The following PHLPP1 variants were observed in gnomAD, a reference collection of about 807,000 sequenced individuals.
The protein encoded by PHLPP1 is PH domain leucine-rich repeat-containing protein phosphatase 1.
PHLPP1 carries 42 observed loss-of-function variants against 117.2 expected under a neutral mutation model. The ratio of observed to expected loss-of-function variants is 0.36; its 90% CI spans 0.28 to 0.46. PHLPP1 has a LOEUF of 0.46. Ranked by LOEUF, PHLPP1 falls within the 20% of genes least tolerant of loss-of-function variation. The pLI, the probability that PHLPP1 is intolerant of heterozygous loss-of-function variation, is 1.00. For missense variants in PHLPP1, 2,084 were observed against 2,241.9 expected (o/e 0.93, Z 1.42); for synonymous variants, 1,042 against 970.7 (o/e 1.07, Z -1.37).
At chr18:62,782,135 A>G (rs947289116) in intron 1 of PHLPP1, among the ~76,000 whole-genome samples, 3 of 152,232 alleles carry the variant, frequency 2.0e-5, no homozygotes, top group Non-Finnish European at 4.4e-5. Flanking sequence ...TCTTTGTTAC[A>G]TATTTACGCA....
At chr18:62,931,878 GAAAAAAAAAAA>G (rs61550621) in intron 10 of PHLPP1, among the ~76,000 whole-genome samples, 1 of 76,472 alleles carries the variant, frequency 1.3e-5, no homozygotes, top group Non-Finnish European at 2.3e-5. Flanking sequence ...CTGGGCGACA[GAAAAAAAAAAA>G]AAAAAAAAAA....
chr18:62,940,345 C>CTT (rs1568168234), intron 10 of PHLPP1, among the ~76,000 whole-genome samples: 1 of 79,106 alleles, frequency 1.3e-5, no homozygotes, highest in African/African-American at 4.8e-5. Context: ...GTTTCTTTTT[C>CTT]TTTCTTTTCT....
At chr18:62,811,285 C>T (rs556926962) in intron 1 of PHLPP1, among the ~76,000 whole-genome samples, 3 of 152,158 alleles carry the variant, frequency 2.0e-5, no homozygotes, top group African/African-American at 7.2e-5. Flanking sequence ...AATAAAAGAT[C>T]AGAAACAATC....
intron 16 of PHLPP1, among the ~76,000 whole-genome samples, chr18:62,976,531 A>G (rs892781227): frequency 1.3e-5 from 2 of 152,186 alleles, no homozygotes; most frequent in South Asian, 2.1e-4. Flanking sequence ...GTTTGGCATA[A>G]TGTTGAACTA....
At position 62,819,170 on chromosome 18, in the gene PHLPP1, A is replaced by G. The variant is rs182814453; in HGVS notation, c.1577-10865A>G. On this transcript the variant is annotated intron_variant, in intron 1 of 16. Transcript: ENST00000262719. ...ACAAACAAATGGCAACAGTAGCACA[A>G]AGACTGGGAGAAGGGAAATGGCAGT... 2.6e-5 allele frequency among the ~76,000 whole-genome samples: 4 copies of G among 152,342 alleles called. No homozygotes were observed. In the East Asian group the frequency reaches 7.7e-4, roughly 29 times the overall value.
At chr18:62,772,564 T>C (rs1199930759) in intron 1 of PHLPP1, among the ~76,000 whole-genome samples, 1 of 152,144 alleles carries the variant, frequency 6.6e-6, no homozygotes, top group Non-Finnish European at 1.5e-5. Flanking sequence ...GCATGCTGGC[T>C]CATGCCTGTA....
At chr18:62,914,689 G>A (rs539428782) in intron 8 of PHLPP1, among the ~76,000 whole-genome samples, 7 of 152,320 alleles carry the variant, frequency 4.6e-5, no homozygotes, top group South Asian at 4.1e-4. Flanking sequence ...TCCCATAGGC[G>A]TGAGCCACTG....
intron 12 of PHLPP1, among the ~76,000 whole-genome samples, chr18:62,949,116 G>A (rs1291209500): frequency 6.6e-6 from 1 of 152,152 alleles, no homozygotes; most frequent in Non-Finnish European, 1.5e-5. Flanking sequence ...ATAAAGTGCA[G>A]TAGGTGTTAC....
At position 62,979,421 on chromosome 18, in the gene PHLPP1, C is replaced by G. The variant is rs750088360; in HGVS notation, c.5144C>G (p.Thr1715Arg). Residue 1715 changes from threonine (T) to arginine (R), a missense_variant, in exon 17 of 17, where the codon ACG becomes AGG. By Grantham distance (71) the Thr-to-Arg change is moderately conservative. Transcript: ENST00000262719. ...QLDQLPDYYD[T>R]PL ...GACCAGCTGCCAGATTATTACGACA[C>G]GCCACTATGACCCAGCCGAGCTGTT... 1 of 1,551,266 alleles carries G rather than the reference C, an allele frequency of 6.4e-7. No homozygotes were observed. The highest frequency in any genetic ancestry group is 8.7e-7 in the Non-Finnish European group (1 of 1,146,782).
chr18:62,882,318 G>A (rs1001543167), intron 4 of PHLPP1, among the ~76,000 whole-genome samples: 1 of 151,600 alleles, frequency 6.6e-6, no homozygotes, highest in Non-Finnish European at 1.5e-5. Context: ...ACCCAGGCTG[G>A]AGTGCAGTGG....
At chr18:62,780,049 G>A (rs1255392511) in intron 1 of PHLPP1, among the ~76,000 whole-genome samples, 2 of 152,110 alleles carry the variant, frequency 1.3e-5, no homozygotes, top group Non-Finnish European at 2.9e-5. Flanking sequence ...TTTTAACAGT[G>A]TATAATTATG....
chr18:62,799,604 G>C (rs564384990), intron 1 of PHLPP1, among the ~76,000 whole-genome samples: 1 of 152,296 alleles, frequency 6.6e-6, no homozygotes, highest in East Asian at 1.9e-4. Flanking sequence ...CAGTGTGCAG[G>C]TTCCCCGGAT....
chr18:62,967,615 G>T (rs1306668392), intron 14 of PHLPP1, among the ~76,000 whole-genome samples: 2 of 151,196 alleles, frequency 1.3e-5, no homozygotes, highest in South Asian at 2.1e-4. Context: ...TCTATATCTA[G>T]TTTGCTAAGA....
chr18:62,759,309 GC>G (rs1031974568), intron 1 of PHLPP1, among the ~76,000 whole-genome samples: 1 of 152,090 alleles, frequency 6.6e-6, no homozygotes, highest in African/African-American at 2.4e-5. Flanking sequence ...CATTTCCATA[GC>G]TTAAAAAAAT....
chr18:62,760,964 A>T (rs556494200), intron 1 of PHLPP1, among the ~76,000 whole-genome samples: 1 of 152,184 alleles, frequency 6.6e-6, no homozygotes, highest in Admixed American at 6.5e-5. Flanking sequence ...AGCTCAGGTG[A>T]TCCTCCTGCC....
At chr18:62,943,165 C>A (rs1464303532) in intron 11 of PHLPP1, among the ~76,000 whole-genome samples, 1 of 152,144 alleles carries the variant, frequency 6.6e-6, no homozygotes, top group Non-Finnish European at 1.5e-5. Context: ...TAATCACCCA[C>A]CCTAAGTGCA....
At chr18:62,895,517 TCA>T (rs1916536267) in intron 5 of PHLPP1, among the ~76,000 whole-genome samples, 1 of 152,232 alleles carries the variant, frequency 6.6e-6, no homozygotes, top group South Asian at 2.1e-4. Context: ...TCAATTCATA[TCA>T]CAGTTAGCTC....
intron 1 of PHLPP1, among the ~76,000 whole-genome samples, chr18:62,742,224 G>C (rs1210125710): frequency 6.6e-6 from 1 of 152,150 alleles, no homozygotes; most frequent in African/African-American, 2.4e-5. Context: ...AAGTAACGCG[G>C]TCTTTTCTAT....
intron 1 of PHLPP1, among the ~76,000 whole-genome samples, chr18:62,816,009 T>G (rs1875870111): frequency 6.6e-6 from 1 of 152,236 alleles, no homozygotes; most frequent in South Asian, 2.1e-4. Flanking sequence ...TTTCAAGTGA[T>G]TTCTTATAAT....
Sources: gnomAD v4.1 joint callset for allele counts (sites outside exome capture counted in the v4.1 genomes callset) on GRCh38, gnomAD v4.1.1 for gene constraint, MANE v1.5 for transcripts, NCBI Gene and HGNC (gene_info 2026-07-23, HGNC 2026-07-21) for gene names.